The following TFDP1 variants were observed in gnomAD, a reference collection of about 807,000 sequenced individuals.
The protein encoded by TFDP1 is DRTF1-polypeptide 1.
In TFDP1, 6 loss-of-function variants were observed where a neutral mutation model predicts 48.0. The ratio of observed to expected loss-of-function variants is 0.13; its 90% CI spans 0.07 to 0.25. The LOEUF (loss-of-function observed/expected upper bound fraction) is 0.25, where lower values mean the gene tolerates loss of function less well. Among genes scored for constraint, TFDP1 ranks in the 10% least tolerant of loss-of-function variants. The pLI is 1.00. For synonymous variants in TFDP1, 201 were observed against 211.6 expected, an observed-to-expected ratio of 0.95 and a Z score of 0.44; for missense variants, 335 against 543.0, an observed-to-expected ratio of 0.62 and a Z score of 3.81.
chr13:113,629,156 C>T (rs955771365), intron 4 of TFDP1, among the ~76,000 whole-genome samples: 4 of 152,216 alleles, frequency 2.6e-5, no homozygotes, highest in Non-Finnish European at 4.4e-5. Context: ...GGGGAGCTGC[C>T]ACGCAGGGCA....
intron 2 of TFDP1, among the ~76,000 whole-genome samples, chr13:113,610,698 T>C (rs960782074): frequency 6.6e-6 from 1 of 152,272 alleles, no homozygotes; most frequent in Non-Finnish European, 1.5e-5. Flanking sequence ...AACATTCTAT[T>C]GTGAACATTT....
Position 113,603,454 on chromosome 13 carries a change from A to G in TFDP1, c.13-7542A>G, listed in dbSNP as rs142357079. Among the ~76,000 whole-genome samples, 368 of 152,360 alleles carry G rather than the reference A, an allele frequency of 2.4e-3. 3 individuals carry two copies. The highest frequency in any genetic ancestry group is 8.4e-3 in the African/African-American group (350 of 41,596). ...ACCTGTGTGTTTTAAAGATGACGGC[A>G]GTGATAGGTCCCCTTTTGGGCCTGG... On this transcript the variant is annotated intron_variant, in intron 2 of 11. Coordinates refer to ENST00000375370, the MANE Select transcript of TFDP1 (RefSeq NM_007111.5).
At chr13:113,585,739 T>G in intron 1 of TFDP1, 35 bp from the exon 2 acceptor site, 1 of 1,275,350 alleles carries the variant, frequency 7.8e-7, no homozygotes, top group East Asian at 2.4e-5. Flanking sequence ...TACTTATTTC[T>G]TGTTTTTCCT....
In TFDP1 at chr13:113,610,779, C is replaced by T. The variant is rs147428776; in HGVS notation, c.13-217C>T. 3.2e-4 allele frequency among the ~76,000 whole-genome samples: 48 copies of T among 152,304 alleles called. No homozygotes were observed. In the East Asian group the frequency reaches 7.7e-3, roughly 24 times the overall value. ...TAAGTCATGGCTAATTCCTGGTGGA[C>T]GGTGCTGTTTTGGCCCTGTAGGTGC... On this transcript the variant is annotated intron_variant, in intron 2 of 11. Coordinates refer to ENST00000375370, the MANE Select transcript of TFDP1 (RefSeq NM_007111.5).
Position 113,607,668 on chromosome 13 carries a change from G to A in TFDP1, c.13-3328G>A, listed in dbSNP as rs1398692476. ...CCACCTTAGACTTCCTGGAAGGGCC[G>A]CCCGGGTCCACAACCTGGCCCGTTA... On this transcript the variant is annotated intron_variant, in intron 2 of 11. Coordinates refer to ENST00000375370, the MANE Select transcript of TFDP1 (RefSeq NM_007111.5). This position sits in a 1 kb window ranked among gnomAD's most constrained non-coding sequence, Gnocchi z 5.2. Among the ~76,000 whole-genome samples the A allele has an allele frequency of 6.6e-6, 1 of 152,188 alleles. No homozygotes were observed. The highest frequency in any genetic ancestry group is 2.4e-5 in the African/African-American group (1 of 41,456).
At chr13:113,585,070 G>T (rs1423654214) in intron 1 of TFDP1, among the ~76,000 whole-genome samples, 182 bp downstream of exon 1, 1 of 146,908 alleles carries the variant, frequency 6.8e-6, no homozygotes, top group Non-Finnish European at 1.5e-5. Flanking sequence ...CGCTGGTAGG[G>T]GCTCCCCAGG....
intron 2 of TFDP1, among the ~76,000 whole-genome samples, chr13:113,606,427 G>A (rs868195007): frequency 6.6e-6 from 1 of 152,156 alleles, no homozygotes; most frequent in South Asian, 2.1e-4. Flanking sequence ...GGTAAATAGC[G>A]TCTTCTTGCC....
intron 11 of TFDP1, 76 bp downstream of exon 11, chr13:113,637,972 G>A (rs1017502377): frequency 5.2e-5 from 81 of 1,559,200 alleles, no homozygotes; most frequent in Non-Finnish European, 6.2e-5. Context: ...CAGGGCAGCC[G>A]TCTCAGGTGT....
At position 113,637,842 on chromosome 13, in the gene TFDP1, G is replaced by A. The variant is rs2049533230; in HGVS notation, c.1031G>A (p.Gly344Asp). 6.2e-7 allele frequency: 1 copy of A among 1,614,236 alleles called. No homozygotes were observed. The highest frequency in any genetic ancestry group is 1.1e-5 in the South Asian group (1 of 91,086). The change falls in exon 11 of 12, where the codon GGC (glycine) becomes GAC (aspartate). Residue 344 changes from glycine to aspartate, a missense_variant. Physicochemically the swap from Gly to Asp is moderately conservative, Grantham distance 94. This residue lies in a region of TFDP1 where 204 missense variants were observed against 287.1 expected (regional missense o/e 0.71). Transcript: ENST00000375370. Reference sequence around the variant, plus strand: ...GAAATGGCTCAGGGAACTGTTGGAGGCGTGTTCATCACGACGGCAGGTTCC... The same window carrying A: ...GAAATGGCTCAGGGAACTGTTGGAGACGTGTTCATCACGACGGCAGGTTCC... ...VTEMAQGTVGGVFITTAGSTS... is the reference protein window; with the variant it reads ...VTEMAQGTVGDVFITTAGSTS...
chr13:113,614,953 G>T (rs2048820491), intron 3 of TFDP1, among the ~76,000 whole-genome samples: 1 of 152,190 alleles, frequency 6.6e-6, no homozygotes, highest in South Asian at 2.1e-4. Context: ...TCCTCTTTGA[G>T]GAGCTCCGCG....
intron 2 of TFDP1, among the ~76,000 whole-genome samples, chr13:113,599,813 C>A (rs1182842314): frequency 1.3e-5 from 2 of 151,480 alleles, no homozygotes; most frequent in Non-Finnish European, 2.9e-5. Context: ...AACCCAGGAC[C>A]GTGAGAGAGA....
chr13:113,585,927 G>C, intron 2 of TFDP1, 78 bp downstream of exon 2: 3 of 1,491,066 alleles, frequency 2.0e-6, no homozygotes, highest in Non-Finnish European at 1.9e-6. Context: ...CTTTATTTCA[G>C]AATGACAACA....
At chr13:113,589,620 T>C (rs765347438) in intron 2 of TFDP1, among the ~76,000 whole-genome samples, 6 of 152,192 alleles carry the variant, frequency 3.9e-5, no homozygotes, top group Non-Finnish European at 8.8e-5. Flanking sequence ...ACAGGGTGGC[T>C]CTGACCCGCA....
intron 10 of TFDP1, 40 bp downstream of exon 10, chr13:113,636,740 A>G: frequency 6.3e-7 from 1 of 1,599,614 alleles, no homozygotes; most frequent in East Asian, 2.2e-5. Flanking sequence ...CTGTGTGAGG[A>G]ATGGCCCCCA....
intron 8 of TFDP1, among the ~76,000 whole-genome samples, chr13:113,634,814 CGTGCAT>C (rs1331481934): frequency 1.8e-3 from 193 of 107,462 alleles, no homozygotes; most frequent in African/African-American, 6.5e-3. Flanking sequence ...TGTGTGTGTG[CGTGCAT>C]GCATGCATGT....
At chr13:113,636,784 A>C in intron 10 of TFDP1, 84 bp downstream of exon 10, 1 of 1,485,710 alleles carries the variant, frequency 6.7e-7, no homozygotes, top group African/African-American at 1.5e-5. Context: ...CCGGCTCGGG[A>C]TGTGTCTTGC....
chr13:113,632,878 C>T (rs964594379), intron 5 of TFDP1, among the ~76,000 whole-genome samples: 36 of 152,220 alleles, frequency 2.4e-4, no homozygotes, highest in Non-Finnish European at 7.3e-5. Context: ...TTTTCCCTGA[C>T]GCTTGGAAGG....
chr13:113,614,792 C>CA (rs2048816489), intron 3 of TFDP1, among the ~76,000 whole-genome samples: 1 of 152,208 alleles, frequency 6.6e-6, no homozygotes. Context: ...CTACAGGACC[C>CA]ACCTAGCCAT....
At chr13:113,594,684 A>G (rs1455825116) in intron 2 of TFDP1, among the ~76,000 whole-genome samples, 1 of 152,240 alleles carries the variant, frequency 6.6e-6, no homozygotes, top group African/African-American at 2.4e-5. Flanking sequence ...GTGGACATGG[A>G]ATCCTTGTGT....
Sources: gnomAD v4.1 joint callset for allele counts (sites outside exome capture counted in the v4.1 genomes callset) on GRCh38, gnomAD v4.1.1 for gene constraint, gnomAD v4.1.1 regional missense constraint, Gnocchi (gnomAD v3.1) non-coding constraint, MANE v1.5 for transcripts, NCBI Gene and HGNC (gene_info 2026-07-23, HGNC 2026-07-21) for gene names.